Variants in TMEM108 observed in about 807,000 individuals in gnomAD.
The protein encoded by TMEM108 is cancer/testis antigen 124.
A neutral mutation model predicts 35.1 loss-of-function variants in TMEM108; 12 were observed. The observed-to-expected ratio is 0.34, with a 90% CI of 0.22 to 0.55. The LOEUF (loss-of-function observed/expected upper bound fraction) is 0.55. Ranked by LOEUF, TMEM108 falls within the 20% of genes least tolerant of loss-of-function variation. TMEM108 has a pLI of 0.89. For missense variants in TMEM108, 680 were observed against 753.3 expected (o/e 0.90, Z 1.14); for synonymous variants, 287 against 308.6 (o/e 0.93, Z 0.73).
rs141011198 is a variant in TMEM108, at chr3:133,376,427, A to G, written c.41-3325A>G. Among the ~76,000 whole-genome samples the G allele has an allele frequency of 8.8e-3, 1,347 of 152,216 alleles. 22 individuals carry two copies. The highest frequency in any genetic ancestry group is 0.031 in the African/African-American group (1,277 of 41,524). On this transcript the variant is annotated intron_variant, in intron 3 of 5. Transcript: ENST00000321871. ...TCTGACACATCTGGTGCCTGGCCCC[A>G]GAGATTCCCCGGGCCCTTAATTTTA...
chr3:133,078,326 C>T (rs913767557), intron 2 of TMEM108, among the ~76,000 whole-genome samples: 3 of 152,114 alleles, frequency 2.0e-5, no homozygotes, highest in Admixed American at 2.0e-4. Flanking sequence ...GGGATGGCTC[C>T]AGCCTTCCTA....
chr3:133,215,102 ACT>A (rs1945887537), intron 2 of TMEM108, among the ~76,000 whole-genome samples: 1 of 152,082 alleles, frequency 6.6e-6, no homozygotes, highest in Non-Finnish European at 1.5e-5. Context: ...CCTCTCACAA[ACT>A]TTTATCAACT....
intron 2 of TMEM108, among the ~76,000 whole-genome samples, chr3:133,128,569 GTCTCTTGGC>G (rs1432914253): frequency 5.3e-5 from 8 of 152,114 alleles, no homozygotes; most frequent in Non-Finnish European, 1.2e-4. Context: ...CCAGTCCCAA[GTCTCTTGGC>G]TGCAAGGACT....
At chr3:133,268,740 A>T (rs1946731982) in intron 3 of TMEM108, among the ~76,000 whole-genome samples, 1 of 152,210 alleles carries the variant, frequency 6.6e-6, no homozygotes, top group Non-Finnish European at 1.5e-5. Flanking sequence ...TCATTTTCCA[A>T]CCAGCTTATT....
rs771778757 is a variant in TMEM108 at position 133,380,814 on chromosome 3, T to G, written c.1103T>G (p.Val368Gly). Residue 368 changes from valine to glycine, a missense_variant, in exon 4 of 6, where the codon GTC becomes GGC. By Grantham distance (109) the Val-to-Gly change is moderately radical. This residue lies in a region of TMEM108 where 526 missense variants were observed against 532.1 expected (regional missense o/e 0.99). Coordinates refer to ENST00000321871, the MANE Select transcript of TMEM108 (RefSeq NM_023943.4). This position sits in a 1 kb window ranked among gnomAD's most constrained non-coding sequence, Gnocchi z 5.3. ...ACCCCAGCTGCCTTCGATACCAGTG[T>G]CTCAGCCCCTTCCCAGGGGATTCCT... ...GPTPAAFDTS[V>G]SAPSQGIPQG... The G allele has an allele frequency of 6.2e-7, 1 of 1,614,144 alleles. No individual in the cohort carries two copies. The highest frequency in any genetic ancestry group is 8.5e-7 in the Non-Finnish European group (1 of 1,180,012).
chr3:133,260,307 T>TA (rs1559885192), intron 3 of TMEM108, among the ~76,000 whole-genome samples: 4 of 151,872 alleles, frequency 2.6e-5, no homozygotes, highest in Non-Finnish European at 5.9e-5. Flanking sequence ...AAAAAAAATT[T>TA]ATTATCAGCA....
chr3:133,149,566 G>C (rs973215584), intron 2 of TMEM108, among the ~76,000 whole-genome samples: 8 of 152,096 alleles, frequency 5.3e-5, no homozygotes, highest in Admixed American at 5.2e-4. Flanking sequence ...AACTGCTTTA[G>C]ACTCCACATG....
chr3:133,193,790 T>A (rs1576373693), intron 2 of TMEM108, among the ~76,000 whole-genome samples: 1 of 152,198 alleles, frequency 6.6e-6, no homozygotes, highest in African/African-American at 2.4e-5. Flanking sequence ...CATTTTTCTT[T>A]TACATAATTA....
chr3:133,135,616 AGAG>A (rs1337330514), intron 2 of TMEM108, among the ~76,000 whole-genome samples: 1 of 152,244 alleles, frequency 6.6e-6, no homozygotes, highest in African/African-American at 2.4e-5. Context: ...TGCATTATTT[AGAG>A]GTAAACTGTG....
intron 2 of TMEM108, among the ~76,000 whole-genome samples, chr3:133,139,298 AATCT>A (rs1479626519): frequency 7.9e-5 from 12 of 152,340 alleles, no homozygotes; most frequent in African/African-American, 2.9e-4. Flanking sequence ...TTGCTGGGTC[AATCT>A]ATCTATCTGA....
chr3:133,164,020 C>A (rs1944999457), intron 2 of TMEM108, among the ~76,000 whole-genome samples: 1 of 152,154 alleles, frequency 6.6e-6, no homozygotes, highest in Non-Finnish European at 1.5e-5. Flanking sequence ...CCTAGGTTTC[C>A]ATTTTATAAC....
chr3:133,214,799 G>A (rs776233393), intron 2 of TMEM108, among the ~76,000 whole-genome samples: 29 of 152,110 alleles, frequency 1.9e-4, no homozygotes, highest in Non-Finnish European at 2.4e-4. Context: ...TGTCAGATCA[G>A]TGGTGGCATT....
At chr3:133,259,919 G>A (rs998058592) in intron 3 of TMEM108, among the ~76,000 whole-genome samples, 1 of 152,300 alleles carries the variant, frequency 6.6e-6, no homozygotes, top group South Asian at 2.1e-4. Flanking sequence ...GCTCTTCAGA[G>A]TCCAGATAGG....
chr3:133,148,240 A>G (rs1944749627), intron 2 of TMEM108, among the ~76,000 whole-genome samples: 1 of 152,192 alleles, frequency 6.6e-6, no homozygotes, highest in South Asian at 2.1e-4. Context: ...AGAGGAACTG[A>G]GAGCATCTTT....
intron 2 of TMEM108, among the ~76,000 whole-genome samples, chr3:133,049,028 C>T (rs1339356170): frequency 5.3e-5 from 8 of 152,150 alleles, no homozygotes; most frequent in Non-Finnish European, 1.5e-5. Flanking sequence ...TAACAAGACT[C>T]CCAGTGATCC....
chr3:133,367,494 T>C (rs1199917420), intron 3 of TMEM108, among the ~76,000 whole-genome samples: 1 of 152,264 alleles, frequency 6.6e-6, no homozygotes, highest in African/African-American at 2.4e-5. Context: ...TATGGCATCC[T>C]GCCTTGAAAT....
chr3:133,360,534 C>T (rs572220308), intron 3 of TMEM108, among the ~76,000 whole-genome samples: 7 of 152,110 alleles, frequency 4.6e-5, no homozygotes, highest in Admixed American at 2.6e-4. Flanking sequence ...ATGAGCAGCC[C>T]GTAACTGCAT....
chr3:133,044,018 A>G (rs1250408496), intron 1 of TMEM108, among the ~76,000 whole-genome samples: 1 of 152,174 alleles, frequency 6.6e-6, no homozygotes, highest in Non-Finnish European at 1.5e-5. Context: ...GTGTCCTGTG[A>G]CACCTTGCCT....
chr3:133,383,116 G>T lies in TMEM108; in HGVS notation c.1450+1955G>T, dbSNP rs150483251. Among the ~76,000 whole-genome samples, 451 of 152,320 alleles carry T rather than the reference G, an allele frequency of 3.0e-3. 8 individuals carry two copies. Among genetic ancestry groups the T allele is most frequent in the African/African-American group, 0.01 (424 of 41,574 alleles). ...TATTAGCCAATGAATTCTTAATAATGGTTGGTCATATCTGAGAAGTAACTA... is the reference window on the plus strand; with the variant it reads ...TATTAGCCAATGAATTCTTAATAATTGTTGGTCATATCTGAGAAGTAACTA... On this transcript the variant is annotated intron_variant, in intron 4 of 5. Transcript: ENST00000321871.
Sources: allele counts gnomAD v4.1 joint callset (sites outside exome capture counted in the v4.1 genomes callset), GRCh38; gene constraint gnomAD v4.1.1; regional missense constraint gnomAD v4.1.1; non-coding constraint Gnocchi (gnomAD v3.1); transcripts MANE v1.5; gene names NCBI Gene and HGNC (gene_info 2026-07-23, HGNC 2026-07-21).